SLC5A4: variants seen among roughly 807,000 people sequenced by gnomAD.
SLC5A4 encodes the protein probable glucose sensor protein SLC5A4.
Under a neutral mutation model 70.3 loss-of-function variants are expected in SLC5A4, and 55 were observed. The ratio of observed to expected loss-of-function variants is 0.78; its 90% CI spans 0.63 to 0.98. The LOEUF (loss-of-function observed/expected upper bound fraction) is 0.98, where lower values mean the gene tolerates loss of function less well. Ranked by LOEUF, SLC5A4 falls within the 50% of genes least tolerant of loss-of-function variation. The pLI, the probability that SLC5A4 is intolerant of heterozygous loss-of-function variation, is 0.00. For synonymous variants in SLC5A4, 268 were observed against 305.7 expected, an observed-to-expected ratio of 0.88 and a Z score of 1.29; for missense variants, 735 against 839.2, an observed-to-expected ratio of 0.88 and a Z score of 1.53.
At chr22:32,221,876 G>A (rs1410048903) in intron 13 of SLC5A4, among the ~76,000 whole-genome samples, 2 of 152,052 alleles carry the variant, frequency 1.3e-5, no homozygotes, top group Admixed American at 1.3e-4. Context: ...TCAGCCTCAC[G>A]AGTAGCTGGG....
At chr22:32,260,555 A>T in the SLC5A4 span, among the ~76,000 whole-genome samples, 1 of 151,884 alleles carries the variant, frequency 6.6e-6, no homozygotes, top group East Asian at 1.9e-4. Flanking sequence ...CCCACAAATC[A>T]TCTTTCTAGG....
At chr22:32,290,257 T>A in the SLC5A4 span, among the ~76,000 whole-genome samples, 1 of 151,938 alleles carries the variant, frequency 6.6e-6, no homozygotes, top group Admixed American at 6.6e-5. Context: ...CTTGCCCCCA[T>A]CCCCTGACAG....
chr22:32,234,759 G>A, intron 8 of SLC5A4, 114 bp downstream of exon 8: 1 of 834,278 alleles, frequency 1.2e-6, no homozygotes, highest in Non-Finnish European at 2.0e-6. Context: ...CGATGTGTGT[G>A]CAAAATGGAA....
chr22:32,339,307 G>A, the SLC5A4 span, among the ~76,000 whole-genome samples: 4 of 152,212 alleles, frequency 2.6e-5, no homozygotes, highest in Admixed American at 6.5e-5. Flanking sequence ...GCCACAGGCC[G>A]GGCTCTGTTC....
rs772140405 is a variant in SLC5A4, at chr22:32,238,982, T to TA, written c.583+2dup. The TA allele has an allele frequency of 6.2e-7, 1 of 1,605,754 alleles. No homozygotes were observed. Among genetic ancestry groups the TA allele is most frequent in the Admixed American group, 1.7e-5 (1 of 60,016 alleles). On this transcript the variant is annotated splice_region_variant and intron_variant, in intron 6 of 14. Transcript: ENST00000266086. Reference sequence around the variant, plus strand: ...GAGTGAGCAAAATATGCAACATACTTACCAGTGGTGGTGTAAACAGCAGTC... The same window carrying TA: ...GAGTGAGCAAAATATGCAACATACTTAACCAGTGGTGGTGTAAACAGCAGTC...
chr22:32,255,515 G>C (rs1927435002), upstream of SLC5A4, among the ~76,000 whole-genome samples: 1 of 152,176 alleles, frequency 6.6e-6, no homozygotes, highest in Non-Finnish European at 1.5e-5. Flanking sequence ...CCTAGGTAGA[G>C]TGTGAGAATG....
In SLC5A4 at chr22:32,247,497, A is replaced by T. The variant is rs767802243; in HGVS notation, c.391T>A (p.Tyr131Asn). Residue 131 changes from tyrosine to asparagine, a missense_variant, in exon 5 of 15, where the codon TAT becomes AAT. Transcript: ENST00000266086. Reference protein sequence around the residue: ...IKSGVMTMPEYLKKRFGGERL... With the variant: ...IKSGVMTMPENLKKRFGGERL... ...TCCCCACCAAACCGCTTCTTGAGATATTCCGGCATGGTCATCACCTGCAGA... is the reference window on the plus strand; with the variant it reads ...TCCCCACCAAACCGCTTCTTGAGATTTTCCGGCATGGTCATCACCTGCAGA... 6.2e-6 allele frequency: 10 copies of T among 1,613,022 alleles called. No homozygotes were observed. The highest frequency in any genetic ancestry group is 8.5e-6 in the Non-Finnish European group (10 of 1,178,954).
chr22:32,321,746 G>T, the SLC5A4 span, among the ~76,000 whole-genome samples: 3 of 152,170 alleles, frequency 2.0e-5, no homozygotes, highest in African/African-American at 7.2e-5. Context: ...GTGTTAGTTT[G>T]CTAAGAATAA....
rs770695472 is a variant in SLC5A4, at chr22:32,239,047, C to T, written c.521G>A (p.Gly174Glu). Reference sequence around the variant, plus strand: ...GAAGATTGCCAGGTAAAGGTCCAATCCCAAGGCCAGCTTGATGAATATGGC... The same window carrying T: ...GAAGATTGCCAGGTAAAGGTCCAATTCCAAGGCCAGCTTGATGAATATGGC... Reference protein sequence around the residue: ...AGAIFIKLALGLDLYLAIFIL... With the variant: ...AGAIFIKLALELDLYLAIFIL... The change falls in exon 6 of 15, where the codon GGA (glycine) becomes GAA (glutamate). Residue 174 changes from glycine (G) to glutamate (E), a missense_variant. Physicochemically the swap from Gly to Glu is moderately conservative, Grantham distance 98 (BLOSUM62 -2). Transcript: ENST00000266086. The T allele has an allele frequency of 7.4e-6, 12 of 1,614,056 alleles. No homozygotes were observed. In the Admixed American group the frequency reaches 2.0e-4, roughly 27 times the overall value.
the SLC5A4 span, among the ~76,000 whole-genome samples, chr22:32,353,741 C>T: frequency 6.6e-6 from 1 of 152,100 alleles, no homozygotes; most frequent in Admixed American, 6.5e-5. Context: ...GCCCAGAACC[C>T]GCCCCCTGCC....
At chr22:32,302,582 C>A in the SLC5A4 span, among the ~76,000 whole-genome samples, 3 of 152,152 alleles carry the variant, frequency 2.0e-5, no homozygotes, top group East Asian at 5.8e-4. Flanking sequence ...GAAAGCCTAT[C>A]TTTCCCTTAT....
At chr22:32,251,149 C>CAAAAAAAAAAAAAAAAAAAAAAA (rs1169115054) in intron 3 of SLC5A4, among the ~76,000 whole-genome samples, 2 of 22,768 alleles carry the variant, frequency 8.8e-5, no homozygotes, top group African/African-American at 2.8e-4. Context: ...AACAAATAAG[C>CAAAAAAAAAAAAAAAAAAAAAAA]AAAAAAAAAA....
intron 4 of SLC5A4, 52 bp from the exon 5 acceptor site, chr22:32,247,567 G>T (rs376333381): frequency 8.6e-7 from 1 of 1,163,934 alleles, no homozygotes; most frequent in Admixed American, 1.7e-5. Flanking sequence ...GGCCCTGTGC[G>T]TTCAGATTAT....
upstream of SLC5A4, among the ~76,000 whole-genome samples, chr22:32,258,502 C>T (rs749850057): frequency 4.6e-5 from 7 of 151,982 alleles, no homozygotes; most frequent in African/African-American, 1.7e-4. Context: ...CGTCACTAAT[C>T]GTCGGGAAAA....
At position 32,232,917 on chromosome 22, in the gene SLC5A4, T is replaced by C. The variant is rs770296926; in HGVS notation, c.1003A>G (p.Ser335Gly). Residue 335 changes from serine to glycine, a missense_variant, in exon 9 of 15, where the codon AGC (serine) becomes GGC (glycine). Physicochemically the swap from Ser to Gly is moderately conservative, Grantham distance 56. Transcript: ENST00000266086. ...MFLMVMPGMISRILYTDMVAC... is the reference protein window; with the variant it reads ...MFLMVMPGMIGRILYTDMVAC... Reference sequence around the variant, plus strand: ...GGCTTACCTGTGTACAGGATGCGGCTGATCATCCCCGGCATCACCATGAGG... The same window carrying C: ...GGCTTACCTGTGTACAGGATGCGGCCGATCATCCCCGGCATCACCATGAGG... 3 of 1,614,004 alleles carry C rather than the reference T, an allele frequency of 1.9e-6. No individual in the cohort carries two copies. The highest frequency in any genetic ancestry group is 2.5e-6 in the Non-Finnish European group (3 of 1,180,018).
chr22:32,264,128 G>A, the SLC5A4 span, among the ~76,000 whole-genome samples: 1 of 151,366 alleles, frequency 6.6e-6, no homozygotes, highest in Non-Finnish European at 1.5e-5. Context: ...CATGGCACGC[G>A]TATACGTATG....
rs753866650 is a variant in SLC5A4, at chr22:32,218,621, T to TG, written c.1872dup (p.Lys625GlnfsTer8). 36 of 1,613,626 alleles carry TG rather than the reference T, an allele frequency of 2.2e-5. No homozygotes were observed. The highest frequency in any genetic ancestry group is 2.7e-5 in the Non-Finnish European group (32 of 1,179,746). ...CTCTCAGACGTGTCTGTGAGCTTCT[T>TG]GCTCAAGGCTTCCTCCTCCTCCTTG... On this transcript the variant is annotated frameshift_variant, in exon 15 of 15. Transcript: ENST00000266086. LOFTEE classifies it low-confidence loss of function (END_TRUNC).
chr22:32,318,130 A>C, the SLC5A4 span, among the ~76,000 whole-genome samples: 1 of 151,538 alleles, frequency 6.6e-6, no homozygotes, highest in African/African-American at 2.4e-5. Flanking sequence ...CTCCTGCTCC[A>C]GCCCCTTGTT....
the SLC5A4 span, chr22:32,284,749 C>T: frequency 1.3e-5 from 2 of 152,148 alleles, no homozygotes; most frequent in African/African-American, 4.8e-5. Context: ...GATAATATCA[C>T]AACAGTGCAT....
Sources: allele counts gnomAD v4.1 joint callset (sites outside exome capture counted in the v4.1 genomes callset), GRCh38; gene constraint gnomAD v4.1.1; transcripts MANE v1.5; gene names NCBI Gene and HGNC (gene_info 2026-07-23, HGNC 2026-07-21).